FAM193A: variants seen among roughly 807,000 people sequenced by gnomAD.
The protein encoded by FAM193A is protein FAM193A.
A neutral mutation model predicts 126.5 loss-of-function variants in FAM193A; 22 were observed. The ratio of observed to expected loss-of-function variants is 0.17; its 90% CI spans 0.12 to 0.25. The LOEUF is 0.25. Ranked by LOEUF, FAM193A falls within the 10% of genes least tolerant of loss-of-function variation. The probability of loss-of-function intolerance (pLI) is 1.00; values close to 1 mark genes in which losing one functional copy is unlikely to be tolerated. For missense variants in FAM193A, 1,675 were observed against 1,672.8 expected, an observed-to-expected ratio of 1.00 and a Z score of -0.02; for synonymous variants, 761 against 646.8, an observed-to-expected ratio of 1.18 and a Z score of -2.68.
At chr4:2,547,864 A>G (rs1009045790) in intron 1 of FAM193A, among the ~76,000 whole-genome samples, 1 of 151,404 alleles carries the variant, frequency 6.6e-6, no homozygotes, top group Non-Finnish European at 1.5e-5. Flanking sequence ...AACTTAAGTG[A>G]TCTGCCCACC....
chr4:2,640,267 CACACATTCCGTTGCT>C (rs1489387572), intron 6 of FAM193A, among the ~76,000 whole-genome samples: 1 of 152,150 alleles, frequency 6.6e-6, no homozygotes, highest in African/African-American at 2.4e-5. Context: ...TGGTGTTTCC[CACACATTCCGTTGCT>C]ACCCGAGGCT....
Position 2,593,867 on chromosome 4 carries a change from C to CT in FAM193A, c.256-2204dup, listed in dbSNP as rs370535103. Among the ~76,000 whole-genome samples the CT allele has an allele frequency of 1.3e-3, 181 of 140,672 alleles. 1 individual carries two copies. Among genetic ancestry groups the CT allele is most frequent in the Middle Eastern group, 0.011 (3 of 266 alleles). 92.3% of individuals were successfully genotyped at this position (140,672 alleles called of 152,430 possible). A position where few individuals can be genotyped will look rare whatever the true frequency, so the allele number is the denominator to read the frequency against. On this transcript the variant is annotated intron_variant, in intron 1 of 20. Transcript: ENST00000637812. ...TTTATATTGGGGTAAATCAGTGTGC[C>CT]TTTTTTTTTTTTTAATTGTCGTCAT...
chr4:2,541,131 G>T (rs112778436), intron 1 of FAM193A, among the ~76,000 whole-genome samples: 19 of 151,976 alleles, frequency 1.3e-4, no homozygotes, highest in African/African-American at 4.3e-4. Flanking sequence ...TTAACTGGGT[G>T]TGGTGGCGCA....
intron 1 of FAM193A, among the ~76,000 whole-genome samples, chr4:2,577,674 C>T (rs1038673749): frequency 2.6e-5 from 4 of 152,072 alleles, no homozygotes; most frequent in African/African-American, 9.7e-5. Context: ...CTGCCTGAGC[C>T]TCCTGAAGTG....
rs150844151 is a variant in FAM193A, at chr4:2,693,832, C to T, written c.3050C>T (p.Pro1017Leu). The change falls in exon 16 of 21, where the codon CCG becomes CTG. Residue 1017 changes from proline (P) to leucine (L), a missense_variant. Coordinates refer to ENST00000637812, the MANE Select transcript of FAM193A (RefSeq NM_001366318.2). ...AGTTTCTGTCCTGCACCCCTACCCC[C>T]GGCCACAGATGGCTCCATTAGCGCC... Reference protein sequence around the residue: ...RKSFCPAPLPPATDGSISAPP... With the variant: ...RKSFCPAPLPLATDGSISAPP... 1.5e-5 allele frequency: 24 copies of T among 1,614,098 alleles called. No individual in the cohort carries two copies. Among genetic ancestry groups the T allele is most frequent in the African/African-American group, 1.3e-4 (10 of 74,946 alleles).
At position 2,697,206 on chromosome 4, in the gene FAM193A, G is replaced by T. The variant is rs1489146693; in HGVS notation, c.3507+613G>T. 3.3e-5 allele frequency among the ~76,000 whole-genome samples: 5 copies of T among 152,096 alleles called. No homozygotes were observed. The South Asian group carries it at 8.3e-4, about 25-fold the overall frequency. On this transcript the variant is annotated intron_variant, in intron 18 of 20. Coordinates refer to ENST00000637812, the MANE Select transcript of FAM193A (RefSeq NM_001366318.2). ...AAAGCAAATGTCAAATACAAAAAAC[G>T]TTAGCCAGTCATGGTGGTGTACGCC...
chr4:2,715,942 G>A, intron 19 of FAM193A, 81 bp from the exon 20 acceptor site: 1 of 855,478 alleles, frequency 1.2e-6, no homozygotes, highest in Non-Finnish European at 2.0e-6. Context: ...TTTAAATTGA[G>A]CGAAGACAAA....
In FAM193A at chr4:2,708,706, G is replaced by C. The variant is rs141164613; in HGVS notation, c.4373-7317G>C. 2.5e-3 allele frequency among the ~76,000 whole-genome samples: 383 copies of C among 152,026 alleles called. 2 individuals are homozygous for C. In the East Asian group the frequency reaches 0.034, roughly 14 times the overall value. On this transcript the variant is annotated intron_variant, in intron 19 of 20. Coordinates refer to ENST00000637812, the MANE Select transcript of FAM193A (RefSeq NM_001366318.2). ...TCGAACTCCAGACCTCAAGTGATCT[G>C]CCCTCCTTGGCCTCCCAAAGTGCTG...
intron 5 of FAM193A, among the ~76,000 whole-genome samples, chr4:2,632,641 G>T (rs925243473): frequency 7.2e-6 from 1 of 138,852 alleles, no homozygotes; most frequent in African/African-American, 2.6e-5. Context: ...CCATGGGGAG[G>T]TATCTATTCT....
chr4:2,688,957 G>A (rs1716058467), intron 13 of FAM193A, among the ~76,000 whole-genome samples: 2 of 152,376 alleles, frequency 1.3e-5, no homozygotes, highest in African/African-American at 4.8e-5. Context: ...ACAATGGTCT[G>A]CCCCACAGGG....
intron 1 of FAM193A, among the ~76,000 whole-genome samples, chr4:2,576,434 A>G (rs1739594362): frequency 6.6e-6 from 1 of 152,180 alleles, no homozygotes; most frequent in Admixed American, 6.5e-5. Flanking sequence ...ATGCAGTGGC[A>G]TGTACCTATA....
chr4:2,700,596 G>A lies in FAM193A; in HGVS notation c.4372+52G>A, dbSNP rs1202402525. 5 of 1,568,094 alleles carry A rather than the reference G, an allele frequency of 3.2e-6. No homozygotes were observed. The African/African-American group carries it at 6.8e-5, about 21-fold the overall frequency. ...TTCTGAGCGATGCCTGGTTTTCCAT[G>A]TGTGATGTGCTAGTATAGGAAAACA... is the stretch of plus-strand genomic sequence containing the variant. On this transcript the variant is annotated intron_variant, in intron 19 of 20. Transcript: ENST00000637812.
intron 10 of FAM193A, among the ~76,000 whole-genome samples, chr4:2,660,890 T>G (rs1712355870): frequency 1.3e-5 from 2 of 152,212 alleles, no homozygotes; most frequent in East Asian, 3.9e-4. Flanking sequence ...ACTCACTGAC[T>G]CTCTTCATAC....
At chr4:2,711,025 G>A (rs1718904228) in intron 19 of FAM193A, among the ~76,000 whole-genome samples, 1 of 150,318 alleles carries the variant, frequency 6.7e-6, no homozygotes, top group Non-Finnish European at 1.5e-5. Flanking sequence ...CTAATTTTTT[G>A]TATTTTTTAG....
chr4:2,712,478 G>A (rs551473024), intron 19 of FAM193A, among the ~76,000 whole-genome samples: 115 of 152,128 alleles, frequency 7.6e-4, no homozygotes, highest in Non-Finnish European at 1.4e-3. Context: ...CCTAAGTCCT[G>A]CTCTGTCTGC....
At chr4:2,544,611 G>A (rs1017956327) in intron 1 of FAM193A, among the ~76,000 whole-genome samples, 9 of 152,100 alleles carry the variant, frequency 5.9e-5, no homozygotes, top group Admixed American at 1.3e-4. Context: ...GGCTGAGGCA[G>A]GAGAATTGCT....
chr4:2,695,105 C>T lies in FAM193A; in HGVS notation c.3252C>T (p.Tyr1084=), dbSNP rs1288387096. The change falls in exon 17 of 21, where the codon TAC becomes TAT. Residue 1084 remains tyrosine (Y), a synonymous_variant. Coordinates refer to ENST00000637812, the MANE Select transcript of FAM193A (RefSeq NM_001366318.2). ...QKEGKYCDCC[Y]CEFFGHGGPP... is the part of the protein sequence containing the mutation. ...AGGGCAAGTACTGCGACTGCTGCTA[C>T]TGCGAATTCTTTGGGCACGGCGGGG... 6.2e-7 allele frequency: 1 copy of T among 1,602,006 alleles called. No individual in the cohort carries two copies. The highest frequency in any genetic ancestry group is 1.7e-5 in the Admixed American group (1 of 58,140).
At chr4:2,719,059 A>C (rs765771506) in intron 20 of FAM193A, among the ~76,000 whole-genome samples, 1 of 152,258 alleles carries the variant, frequency 6.6e-6, no homozygotes, top group Non-Finnish European at 1.5e-5. Context: ...CATCACACAC[A>C]CAAGTGAATA....
At chr4:2,716,353 T>TC (rs889102859) in intron 20 of FAM193A, among the ~76,000 whole-genome samples, 5 of 151,776 alleles carry the variant, frequency 3.3e-5, no homozygotes, top group Admixed American at 1.3e-4. Context: ...GGCAGTGGCT[T>TC]CCCCCCCACC....
Sources: gnomAD v4.1 joint callset for allele counts (sites outside exome capture counted in the v4.1 genomes callset) on GRCh38, gnomAD v4.1.1 for gene constraint, MANE v1.5 for transcripts, NCBI Gene and HGNC (gene_info 2026-07-23, HGNC 2026-07-21) for gene names.